Variants in HPSE2 observed in about 807,000 individuals in gnomAD.
HPSE2 encodes heparanase 2 (inactive), also known as inactive heparanase-2.
In HPSE2, 38 loss-of-function variants were observed where a neutral mutation model predicts 60.5. That is an observed-to-expected ratio of 0.63 (90% CI 0.48 to 0.82). The LOEUF (loss-of-function observed/expected upper bound fraction) is 0.82, where lower values mean the gene tolerates loss of function less well. Among genes scored for constraint, HPSE2 ranks in the 40% least tolerant of loss-of-function variants. The pLI, the probability that HPSE2 is intolerant of heterozygous loss-of-function variation, is 0.00. For synonymous variants in HPSE2, 295 were observed against 293.2 expected (o/e 1.01, Z -0.06); for missense variants, 713 against 740.4 (o/e 0.96, Z 0.43).
chr10:98,747,515 A>C (rs1264669750), intron 3 of HPSE2, among the ~76,000 whole-genome samples: 1 of 152,254 alleles, frequency 6.6e-6, no homozygotes, highest in African/African-American at 2.4e-5. Flanking sequence ...ATTTACAAAA[A>C]ATGTGTCAAC....
At chr10:99,190,801 C>G (rs776179014) in intron 2 of HPSE2, among the ~76,000 whole-genome samples, 2 of 152,118 alleles carry the variant, frequency 1.3e-5, no homozygotes, top group Non-Finnish European at 2.9e-5. Flanking sequence ...CACAGTGGAA[C>G]AGAGCACCAG....
intron 9 of HPSE2, among the ~76,000 whole-genome samples, chr10:98,611,037 C>T (rs1378528324): frequency 6.6e-6 from 1 of 151,368 alleles, no homozygotes; most frequent in Non-Finnish European, 1.5e-5. Context: ...CCCAAGGGAG[C>T]CCGTGACTGA....
chr10:99,040,197 C>T (rs1422547678), intron 3 of HPSE2, among the ~76,000 whole-genome samples: 1 of 152,164 alleles, frequency 6.6e-6, no homozygotes, highest in Non-Finnish European at 1.5e-5. Context: ...CATATCAGCA[C>T]ATATAGTTCT....
intron 9 of HPSE2, among the ~76,000 whole-genome samples, chr10:98,535,266 T>A (rs1943248608): frequency 6.6e-6 from 1 of 152,156 alleles, no homozygotes; most frequent in Non-Finnish European, 1.5e-5. Context: ...CTTGGACAAT[T>A]TAGGCTTGAC....
intron 4 of HPSE2, among the ~76,000 whole-genome samples, chr10:98,730,436 A>G (rs11528128): frequency 0.077 from 11,753 of 152,104 alleles, 735 homozygotes; most frequent in East Asian, 0.29. Context: ...AGAACGGAAA[A>G]CTACACCCGA....
intron 9 of HPSE2, among the ~76,000 whole-genome samples, chr10:98,570,451 A>ATTTTT (rs10636449): frequency 0.48 from 70,598 of 147,544 alleles, 18,286 homozygotes; most frequent in Middle Eastern, 0.6. Context: ...GTTTTTGTGG[A>ATTTTT]TTTTTTTTTT....
chr10:98,867,452 T>C (rs1952617295), intron 3 of HPSE2, among the ~76,000 whole-genome samples: 1 of 152,088 alleles, frequency 6.6e-6, no homozygotes, highest in African/African-American at 2.4e-5. Context: ...TGAGATATCA[T>C]CTCATTCCAG....
intron 6 of HPSE2, among the ~76,000 whole-genome samples, chr10:98,664,446 C>G (rs959623131): frequency 2.0e-5 from 3 of 152,118 alleles, no homozygotes; most frequent in African/African-American, 7.2e-5. Context: ...CTTGAGGCAG[C>G]GCCATGGCTC....
At chr10:99,121,281 G>C (rs904288878) in intron 3 of HPSE2, among the ~76,000 whole-genome samples, 1 of 152,054 alleles carries the variant, frequency 6.6e-6, no homozygotes, top group African/African-American at 2.4e-5. Context: ...ACAGATACTG[G>C]GGCCTATCAG....
chr10:98,879,723 G>A (rs1275270410), intron 3 of HPSE2, among the ~76,000 whole-genome samples: 1 of 151,976 alleles, frequency 6.6e-6, no homozygotes, highest in Non-Finnish European at 1.5e-5. Context: ...CAAGTTGATT[G>A]AGCTTGTCCC....
At position 99,146,891 on chromosome 10, in the gene HPSE2, T is replaced by A. The variant is rs1846077636; in HGVS notation, c.449-2492A>T. 2.6e-5 allele frequency among the ~76,000 whole-genome samples: 4 copies of A among 151,840 alleles called. No individual in the cohort carries two copies. In the South Asian group the frequency reaches 8.3e-4, roughly 32 times the overall value. On this transcript the variant is annotated intron_variant, in intron 2 of 11. Transcript: ENST00000370552. ...ATAAAAATAAAAATAAGCAAGAGGG[T>A]AAAGGATTACACACTAAAAGTGTTG...
intron 3 of HPSE2, among the ~76,000 whole-genome samples, chr10:99,044,698 AAT>A: frequency 6.6e-6 from 1 of 151,106 alleles, no homozygotes; most frequent in Admixed American, 6.6e-5. Context: ...AAACAAAAAA[AAT>A]AGCAGGAATT....
At chr10:98,589,631 C>T (rs1945033270) in intron 9 of HPSE2, among the ~76,000 whole-genome samples, 1 of 152,192 alleles carries the variant, frequency 6.6e-6, no homozygotes, top group South Asian at 2.1e-4. Flanking sequence ...ACCTTTGTCT[C>T]CCCTGTGAGC....
At chr10:99,073,437 G>C (rs1413558084) in intron 3 of HPSE2, among the ~76,000 whole-genome samples, 1 of 151,970 alleles carries the variant, frequency 6.6e-6, no homozygotes, top group Non-Finnish European at 1.5e-5. Flanking sequence ...AGAACACATG[G>C]ACACAGGGAG....
At chr10:98,732,486 G>C (rs1949251659) in intron 4 of HPSE2, among the ~76,000 whole-genome samples, 1 of 152,034 alleles carries the variant, frequency 6.6e-6, no homozygotes, top group South Asian at 2.1e-4. Context: ...ACTATGTATG[G>C]TCAATTGATT....
At chr10:98,875,070 A>G (rs956773718) in intron 3 of HPSE2, among the ~76,000 whole-genome samples, 2 of 151,850 alleles carry the variant, frequency 1.3e-5, no homozygotes, top group African/African-American at 4.8e-5. Flanking sequence ...CCCACATTAG[A>G]AAGCTAGAAA....
intron 11 of HPSE2, among the ~76,000 whole-genome samples, chr10:98,473,287 C>A (rs1025545992): frequency 6.6e-6 from 1 of 151,868 alleles, no homozygotes; most frequent in Non-Finnish European, 1.5e-5. Context: ...GAGTTTGAGA[C>A]CAGCCTGACC....
intron 7 of HPSE2, among the ~76,000 whole-genome samples, chr10:98,639,741 A>G (rs960810097): frequency 6.6e-6 from 1 of 152,204 alleles, no homozygotes; most frequent in Middle Eastern, 3.2e-3. Context: ...GAAAGAACCT[A>G]ACTTCCAACA....
At chr10:98,986,070 C>T (rs181805715) in intron 3 of HPSE2, among the ~76,000 whole-genome samples, 63 of 152,138 alleles carry the variant, frequency 4.1e-4, no homozygotes, top group African/African-American at 1.4e-3. Context: ...ACTGTCGACA[C>T]TAGACAGATC....
Sources: gnomAD v4.1 joint callset for allele counts (sites outside exome capture counted in the v4.1 genomes callset) on GRCh38, gnomAD v4.1.1 for gene constraint, MANE v1.5 for transcripts, NCBI Gene and HGNC (gene_info 2026-07-23, HGNC 2026-07-21) for gene names.